CNTNAP5: variants seen among roughly 807,000 people sequenced by gnomAD.
CNTNAP5 encodes contactin-associated protein-like 5.
A neutral mutation model predicts 150.2 loss-of-function variants in CNTNAP5; 72 were observed. That is an observed-to-expected ratio of 0.48 (90% CI 0.40 to 0.58). The LOEUF is 0.58. Among genes scored for constraint, CNTNAP5 ranks in the 20% least tolerant of loss-of-function variants. The pLI is 0.00. For missense variants in CNTNAP5, 1,636 were observed against 1,626.2 expected, an observed-to-expected ratio of 1.01 and a Z score of -0.10; for synonymous variants, 672 against 619.8, an observed-to-expected ratio of 1.08 and a Z score of -1.25.
At chr2:124,248,747 C>T (rs1275617851) in intron 3 of CNTNAP5, among the ~76,000 whole-genome samples, 1 of 152,184 alleles carries the variant, frequency 6.6e-6, no homozygotes, top group Non-Finnish European at 1.5e-5. Flanking sequence ...CATTTAAACA[C>T]ATCACAAGGA....
chr2:124,085,367 C>T (rs1435874989), intron 1 of CNTNAP5, among the ~76,000 whole-genome samples: 28 of 152,052 alleles, frequency 1.8e-4, no homozygotes, highest in Non-Finnish European at 1.5e-5. Context: ...CCTTTATTAT[C>T]ATTTTGATGC....
At chr2:124,768,272 TG>T (rs1286521839) in intron 16 of CNTNAP5, among the ~76,000 whole-genome samples, 8 of 15,840 alleles carry the variant, frequency 5.1e-4, no homozygotes, top group African/African-American at 1.8e-3. Flanking sequence ...ACTGTATGTA[TG>T]TGTGTGTGTG....
At chr2:124,162,457 C>T (rs1276357202) in intron 1 of CNTNAP5, among the ~76,000 whole-genome samples, 2 of 152,178 alleles carry the variant, frequency 1.3e-5, no homozygotes, top group Non-Finnish European at 2.9e-5. Flanking sequence ...CTGGACTTTA[C>T]ACCCACACAA....
intron 3 of CNTNAP5, among the ~76,000 whole-genome samples, chr2:124,372,491 T>C (rs1043205341): frequency 2.0e-5 from 3 of 152,128 alleles, no homozygotes; most frequent in Non-Finnish European, 4.4e-5. Flanking sequence ...ATTTATATCT[T>C]ACTGTTGAAG....
rs946068383 is a variant in CNTNAP5 at position 124,915,320 on chromosome 2, A to G, written c.*1032A>G. On this transcript the variant is annotated 3_prime_UTR_variant, in exon 24 of 24. Coordinates refer to ENST00000682447, the MANE Select transcript of CNTNAP5 (RefSeq NM_001367498.1). Reference sequence around the variant, plus strand: ...CCGGTTCAATGAAAGAGCCTAAACCATCTTAACTCAGCTTTAAAACAAAAA... The same window carrying G: ...CCGGTTCAATGAAAGAGCCTAAACCGTCTTAACTCAGCTTTAAAACAAAAA... The G allele has an allele frequency of 6.0e-6, 1 of 166,796 alleles. No homozygotes were observed. Among genetic ancestry groups the G allele is most frequent in the Non-Finnish European group, 1.5e-5 (1 of 68,056 alleles). The allele number at this position is 166,796 out of a possible 1,614,324, so 10.3% of individuals were successfully genotyped here. A position where few individuals can be genotyped will look rare whatever the true frequency, so the allele number is the denominator to read the frequency against.
intron 3 of CNTNAP5, among the ~76,000 whole-genome samples, chr2:124,242,832 A>G (rs185215638): frequency 6.6e-6 from 1 of 152,310 alleles, no homozygotes; most frequent in East Asian, 1.9e-4. Flanking sequence ...ACATTGCCCA[A>G]TGTATGAATT....
chr2:124,682,027 G>A (rs1679080213), intron 13 of CNTNAP5, among the ~76,000 whole-genome samples: 1 of 152,172 alleles, frequency 6.6e-6, no homozygotes, highest in Non-Finnish European at 1.5e-5. Context: ...TGGATACCTT[G>A]AACTTCAAGC....
chr2:124,796,020 C>T (rs527728301), intron 18 of CNTNAP5, among the ~76,000 whole-genome samples: 5 of 151,960 alleles, frequency 3.3e-5, no homozygotes, highest in Admixed American at 6.6e-5. Context: ...GATAACTCAA[C>T]CCATCTGATC....
intron 1 of CNTNAP5, among the ~76,000 whole-genome samples, chr2:124,149,422 A>C (rs986238674): frequency 2.0e-4 from 30 of 151,258 alleles, no homozygotes; most frequent in African/African-American, 7.3e-4. Context: ...AAAAAAAAAA[A>C]AAAACTCAGG....
chr2:124,666,274 T>C (rs1678697908), intron 13 of CNTNAP5, among the ~76,000 whole-genome samples: 1 of 152,168 alleles, frequency 6.6e-6, no homozygotes, highest in Non-Finnish European at 1.5e-5. Context: ...AAAGATTCTT[T>C]AATTTGCCAT....
At chr2:124,898,270 A>G (rs984023790) in intron 21 of CNTNAP5, among the ~76,000 whole-genome samples, 1 of 151,492 alleles carries the variant, frequency 6.6e-6, no homozygotes, top group Non-Finnish European at 1.5e-5. Flanking sequence ...CAAGTGTCAT[A>G]AGTAACTTTT....
chr2:124,373,248 C>T (rs1188263749), intron 3 of CNTNAP5, among the ~76,000 whole-genome samples: 1 of 152,104 alleles, frequency 6.6e-6, no homozygotes, highest in Non-Finnish European at 1.5e-5. Context: ...TATTTCTAAT[C>T]TAAAAGTAGG....
chr2:124,497,560 G>A (rs1694179338), intron 7 of CNTNAP5, among the ~76,000 whole-genome samples: 1 of 152,160 alleles, frequency 6.6e-6, no homozygotes, highest in South Asian at 2.1e-4. Context: ...ATAACCAAAG[G>A]ATTATGTTTA....
At chr2:124,755,914 A>G (rs1437215759) in intron 14 of CNTNAP5, among the ~76,000 whole-genome samples, 1 of 152,156 alleles carries the variant, frequency 6.6e-6, no homozygotes, top group African/African-American at 2.4e-5. Flanking sequence ...TGGATTTGTC[A>G]CTTATTAACT....
intron 12 of CNTNAP5, among the ~76,000 whole-genome samples, chr2:124,635,404 T>C (rs748086961): frequency 3.3e-5 from 5 of 152,126 alleles, no homozygotes; most frequent in Admixed American, 6.5e-5. Flanking sequence ...GAGATGACAA[T>C]TGAACATGAG....
intron 10 of CNTNAP5, among the ~76,000 whole-genome samples, chr2:124,533,736 T>A (rs958378850): frequency 1.3e-5 from 2 of 152,166 alleles, no homozygotes; most frequent in African/African-American, 4.8e-5. Context: ...GCTCCTCCCC[T>A]GCTTCCCACT....
intron 14 of CNTNAP5, among the ~76,000 whole-genome samples, chr2:124,762,631 A>G (rs930644546): frequency 6.6e-6 from 1 of 152,120 alleles, no homozygotes; most frequent in Admixed American, 6.6e-5. Flanking sequence ...CACACTGAAG[A>G]TCTCAGAAAT....
In CNTNAP5 at chr2:124,675,091, C is replaced by G. The variant is rs547965387; in HGVS notation, c.2077+27133C>G. ...ATTGCTAAATTGCCCATTTCTTCAACTTTTTTTGTGCATATGTCTCATTAC... is the reference window on the plus strand; with the variant it reads ...ATTGCTAAATTGCCCATTTCTTCAAGTTTTTTTGTGCATATGTCTCATTAC... On this transcript the variant is annotated intron_variant, in intron 13 of 23. Transcript: ENST00000682447. Among the ~76,000 whole-genome samples, 3 of 152,072 alleles carry G rather than the reference C, an allele frequency of 2.0e-5. No individual in the cohort carries two copies. In the East Asian group the frequency reaches 5.8e-4, roughly 29 times the overall value.
At chr2:124,136,386 G>C (rs978417411) in intron 1 of CNTNAP5, among the ~76,000 whole-genome samples, 1 of 152,102 alleles carries the variant, frequency 6.6e-6, no homozygotes, top group Non-Finnish European at 1.5e-5. Context: ...TTGGCCCATC[G>C]TAAGTTAAAA....
Sources: allele counts gnomAD v4.1 joint callset (sites outside exome capture counted in the v4.1 genomes callset), GRCh38; gene constraint gnomAD v4.1.1; transcripts MANE v1.5; gene names NCBI Gene and HGNC (gene_info 2026-07-23, HGNC 2026-07-21).